Variants in PRDM11 observed in about 807,000 individuals in gnomAD.
PRDM11 encodes the protein PR domain-containing protein 11.
Under a neutral mutation model 97.8 loss-of-function variants are expected in PRDM11, and 20 were observed. That is an observed-to-expected ratio of 0.20 (90% confidence interval 0.14 to 0.30). PRDM11 has a LOEUF of 0.30. PRDM11 is among the 10% of genes least tolerant of loss of function. PRDM11 has a pLI of 1.00. For synonymous variants in PRDM11, 599 were observed against 637.7 expected, an observed-to-expected ratio of 0.94 and a Z score of 0.91; for missense variants, 1,139 against 1,555.2, an observed-to-expected ratio of 0.73 and a Z score of 4.50.
intron 4 of PRDM11, among the ~76,000 whole-genome samples, chr11:45,187,832 GTA>G (rs1400482065): frequency 6.2e-5 from 9 of 144,292 alleles, no homozygotes; most frequent in South Asian, 4.5e-4. Flanking sequence ...GTGTGTGTGT[GTA>G]TGTGTGTGTT....
At chr11:45,107,228 A>C (rs778934479) in intron 1 of PRDM11, among the ~76,000 whole-genome samples, 6 of 152,144 alleles carry the variant, frequency 3.9e-5, no homozygotes, top group African/African-American at 9.7e-5. Context: ...CTCAAAGTCC[A>C]GATGCTCTGC....
chr11:45,209,595 G>A (rs540913955), intron 5 of PRDM11, among the ~76,000 whole-genome samples: 4 of 152,280 alleles, frequency 2.6e-5, no homozygotes, highest in African/African-American at 9.6e-5. Context: ...ATAAACCAAC[G>A]TTAAATAATT....
At chr11:45,129,354 A>G (rs981985777) in intron 1 of PRDM11, among the ~76,000 whole-genome samples, 1 of 152,196 alleles carries the variant, frequency 6.6e-6, no homozygotes, top group Non-Finnish European at 1.5e-5. Flanking sequence ...AAAGAATAAA[A>G]CTATTATTTG....
intron 4 of PRDM11, among the ~76,000 whole-genome samples, chr11:45,186,320 GT>G (rs1471462199): frequency 1.3e-5 from 2 of 152,144 alleles, no homozygotes; most frequent in East Asian, 3.9e-4. Flanking sequence ...CTTGGGATGA[GT>G]AGAGTTCCTG....
chr11:45,103,129 C>G (rs1022567369), intron 1 of PRDM11, among the ~76,000 whole-genome samples: 3 of 152,196 alleles, frequency 2.0e-5, no homozygotes, highest in Non-Finnish European at 4.4e-5. Context: ...CATCACTGGA[C>G]AGTTGCCTCT....
intron 5 of PRDM11, among the ~76,000 whole-genome samples, chr11:45,205,664 GGGATT>G (rs1181074101): frequency 6.6e-6 from 1 of 152,182 alleles, no homozygotes; most frequent in East Asian, 1.9e-4. Context: ...GGCTGATGGT[GGGATT>G]GTACTTGGAG....
At chr11:45,202,162 C>A (rs1853352241) in intron 4 of PRDM11, among the ~76,000 whole-genome samples, 1 of 152,154 alleles carries the variant, frequency 6.6e-6, no homozygotes, top group Non-Finnish European at 1.5e-5. Context: ...TCCCATCATT[C>A]TTTCATTCAA....
chr11:45,171,038 G>A, intron 1 of PRDM11, among the ~76,000 whole-genome samples: 1 of 152,172 alleles, frequency 6.6e-6, no homozygotes, highest in Non-Finnish European at 1.5e-5. Context: ...ATGTCTTGGA[G>A]AAATTCCTAG....
chr11:45,151,740 T>G (rs1851664874), intron 1 of PRDM11, among the ~76,000 whole-genome samples: 1 of 152,196 alleles, frequency 6.6e-6, no homozygotes, highest in African/African-American at 2.4e-5. Context: ...GCCTTTAGGT[T>G]GGCCTTTGGA....
intron 1 of PRDM11, among the ~76,000 whole-genome samples, chr11:45,128,455 G>A (rs2135642350): frequency 6.6e-6 from 1 of 152,232 alleles, no homozygotes; most frequent in South Asian, 2.1e-4. Context: ...GCTGGAAGCT[G>A]TAGACCGGAG....
At chr11:45,213,360 G>A (rs761054606) in intron 5 of PRDM11, 2 of 451,870 alleles carry the variant, frequency 4.4e-6, no homozygotes, top group Non-Finnish European at 4.5e-6. Context: ...CGCAACAGTG[G>A]GGAGCATCCG....
chr11:45,121,811 T>A (rs1030815475), intron 1 of PRDM11, among the ~76,000 whole-genome samples: 2 of 152,216 alleles, frequency 1.3e-5, no homozygotes, highest in South Asian at 4.1e-4. Context: ...CTCTAAATGC[T>A]TGAAAATTAA....
intron 1 of PRDM11, among the ~76,000 whole-genome samples, chr11:45,165,630 C>T (rs1852045325): frequency 6.6e-6 from 1 of 152,248 alleles, no homozygotes; most frequent in African/African-American, 2.4e-5. Context: ...TCCAGGGGAT[C>T]GTTGCCATGT....
intron 4 of PRDM11, among the ~76,000 whole-genome samples, chr11:45,198,086 G>C (rs1159039245): frequency 1.3e-5 from 2 of 152,130 alleles, no homozygotes; most frequent in Non-Finnish European, 2.9e-5. Context: ...AGTTAAATTA[G>C]GGCAGATGGG....
chr11:45,223,482 C>T (rs1285551643), intron 6 of PRDM11, among the ~76,000 whole-genome samples: 1 of 152,176 alleles, frequency 6.6e-6, no homozygotes, highest in African/African-American at 2.4e-5. Context: ...GCTATATTTC[C>T]TGACTGCTTT....
Position 45,219,693 on chromosome 11 carries a change from C to T in PRDM11, c.678C>T (p.Ser226=), listed in dbSNP as rs753875778. The T allele has an allele frequency of 3.1e-5, 50 of 1,613,906 alleles. No homozygotes were observed. The highest frequency in any genetic ancestry group is 9.9e-5 in the South Asian group (9 of 91,070). ...RPGEWLRVWY[S]EDYMKRLHSM... is the part of the protein sequence containing the mutation. The stretch of plus-strand genomic sequence containing the variant: ...GGGAGTGGCTGCGGGTCTGGTACAG[C>T]GAGGACTACATGAAGCGCCTGCACA... Residue 226 remains serine (S), a synonymous_variant, in exon 6 of 8, where the codon AGC becomes AGT. Transcript: ENST00000683152. The surrounding 1 kb of genome is among the most constrained non-coding windows in gnomAD (Gnocchi z 4.2).
chr11:45,200,743 G>A (rs962701260), intron 4 of PRDM11, among the ~76,000 whole-genome samples: 1 of 152,220 alleles, frequency 6.6e-6, no homozygotes, highest in African/African-American at 2.4e-5. Context: ...CTGCAGACTG[G>A]AGCATCACTT....
At chr11:45,155,367 G>C (rs1471983179) in intron 1 of PRDM11, among the ~76,000 whole-genome samples, 2 of 152,216 alleles carry the variant, frequency 1.3e-5, no homozygotes, top group Non-Finnish European at 2.9e-5. Flanking sequence ...AAGGAAGTGA[G>C]CTTCTCTTGG....
chr11:45,145,865 C>G (rs1262037413), upstream of PRDM11, among the ~76,000 whole-genome samples: 2 of 152,254 alleles, frequency 1.3e-5, no homozygotes, highest in East Asian at 3.9e-4. Context: ...ACAATTCCAC[C>G]CCCGGCCCAG....
Sources: allele counts gnomAD v4.1 joint callset (sites outside exome capture counted in the v4.1 genomes callset), GRCh38; gene constraint gnomAD v4.1.1; non-coding constraint Gnocchi (gnomAD v3.1); transcripts MANE v1.5; gene names NCBI Gene and HGNC (gene_info 2026-07-23, HGNC 2026-07-21).